The following RSPH1 variants were observed in gnomAD, a reference collection of about 807,000 sequenced individuals.
RSPH1 encodes radial spoke head 1 homolog.
Under a neutral mutation model 44.2 loss-of-function variants are expected in RSPH1, and 32 were observed. That is an observed-to-expected ratio of 0.72 (90% CI 0.55 to 0.97). RSPH1 has a LOEUF of 0.97. RSPH1 is among the 50% of genes least tolerant of loss of function. The probability of loss-of-function intolerance (pLI) is 0.00; values close to 1 mark genes in which losing one functional copy is unlikely to be tolerated. For missense variants in RSPH1, 391 were observed against 398.7 expected (o/e 0.98, Z 0.16); for synonymous variants, 134 against 147.3 (o/e 0.91, Z 0.65).
Position 42,486,367 on chromosome 21 carries a change from G to A in RSPH1, c.365+4C>T, listed in dbSNP as rs201479872. On this transcript the variant is annotated splice_donor_region_variant and intron_variant, in intron 4 of 8. Coordinates refer to ENST00000291536, the MANE Select transcript of RSPH1 (RefSeq NM_080860.4). Reference sequence around the variant, plus strand: ...CCCGTTAAGACCCAAGATAGAAACCGAACCTTTGATGAGCAAACCACTCTC... The same window carrying A: ...CCCGTTAAGACCCAAGATAGAAACCAAACCTTTGATGAGCAAACCACTCTC... The A allele has an allele frequency of 6.8e-6, 11 of 1,606,406 alleles. No homozygotes were observed. The highest frequency in any genetic ancestry group is 2.7e-5 in the African/African-American group (2 of 74,666).
chr21:42,485,081 C>A (rs1653509783), intron 5 of RSPH1: 1 of 152,316 alleles, frequency 6.6e-6, no homozygotes, highest in Admixed American at 6.5e-5. Flanking sequence ...TTCAAGGTTT[C>A]TCTGTACAAT....
intron 3 of RSPH1, among the ~76,000 whole-genome samples, chr21:42,489,672 C>T (rs765130354): frequency 7.9e-5 from 12 of 152,164 alleles, no homozygotes; most frequent in Admixed American, 3.9e-4. Context: ...GGCAGGGTTC[C>T]GTGCACTTGC....
chr21:42,472,666 C>T lies in RSPH1; in HGVS notation c.*152G>A, dbSNP rs575228310. 2.8e-5 allele frequency: 16 copies of T among 564,580 alleles called. No homozygotes were observed. In the East Asian group the frequency reaches 3.9e-4, roughly 14 times the overall value. The allele number at this position is 564,580 out of a possible 1,614,324, so 35.0% of individuals were successfully genotyped here. A position where few individuals can be genotyped will look rare whatever the true frequency, so the allele number is the denominator to read the frequency against. On this transcript the variant is annotated 3_prime_UTR_variant, in exon 9 of 9. Transcript: ENST00000291536. Reference sequence around the variant, plus strand: ...CCACCCAGGCTGGAGAGCAGTGGCGCGATCTCCACTCACTGCAACTGCCAC... The same window carrying T: ...CCACCCAGGCTGGAGAGCAGTGGCGTGATCTCCACTCACTGCAACTGCCAC...
At chr21:42,490,275 G>A (rs1295278301) in intron 3 of RSPH1, among the ~76,000 whole-genome samples, 1 of 152,290 alleles carries the variant, frequency 6.6e-6, no homozygotes, top group Admixed American at 6.5e-5. Context: ...GTGACCATCT[G>A]GGAGACAGGT....
At position 42,477,155 on chromosome 21, in the gene RSPH1, A is replaced by T. The variant is rs142821402; in HGVS notation, c.727+136T>A. 141 of 501,020 alleles carry T rather than the reference A, an allele frequency of 2.8e-4. 2 individuals are homozygous for T. In the African/African-American group the frequency reaches 7.0e-3, roughly 25 times the overall value. 31.0% of individuals were successfully genotyped at this position (501,020 alleles called of 1,614,324 possible). ...CCACACCCTCTGCCCCCTCCACCCC[A>T]CAGCCCGGGGATGCCCCACACCCTC... is the stretch of plus-strand genomic sequence containing the variant. On this transcript the variant is annotated intron_variant, in intron 7 of 8. Coordinates refer to ENST00000291536, the MANE Select transcript of RSPH1 (RefSeq NM_080860.4).
rs536426958 is a variant in RSPH1 at position 42,482,630 on chromosome 21, A to C, written c.573+7T>G. The C allele has an allele frequency of 7.5e-6, 12 of 1,605,624 alleles. No individual in the cohort carries two copies. The South Asian group carries it at 1.3e-4, about 18-fold the overall frequency. ...TGTAACAAAACCCTACATGCTCCGC[A>C]ACTTACCATATCTGTTAAACGATAT... is the stretch of plus-strand genomic sequence containing the variant. On this transcript the variant is annotated splice_region_variant and intron_variant, in intron 6 of 8. Transcript: ENST00000291536.
Position 42,482,615 on chromosome 21 carries a change from C to T in RSPH1, c.573+22G>A, listed in dbSNP as rs764288542. The stretch of plus-strand genomic sequence containing the variant: ...CTACTTCCCTGTTAATGTAACAAAA[C>T]CCTACATGCTCCGCAACTTACCATA... On this transcript the variant is annotated intron_variant, in intron 6 of 8. Transcript: ENST00000291536. 1.2e-5 allele frequency: 19 copies of T among 1,578,456 alleles called. No homozygotes were observed. The Admixed American group carries it at 2.0e-4, about 17-fold the overall frequency.
intron 1 of RSPH1, chr21:42,495,894 G>T (rs1371047687): frequency 1.7e-5 from 9 of 534,842 alleles, no homozygotes; most frequent in Non-Finnish European, 2.7e-5. Flanking sequence ...GAGGCAGGAT[G>T]GGGGTGGGGG....
chr21:42,495,313 A>G (rs2054277129), intron 1 of RSPH1, among the ~76,000 whole-genome samples: 1 of 152,188 alleles, frequency 6.6e-6, no homozygotes, highest in Non-Finnish European at 1.5e-5. Flanking sequence ...CAGAGCTAGC[A>G]AAAAGGTCTG....
intron 6 of RSPH1, among the ~76,000 whole-genome samples, chr21:42,479,866 C>T (rs1197668384): frequency 6.6e-6 from 1 of 152,156 alleles, no homozygotes; most frequent in African/African-American, 2.4e-5. Flanking sequence ...ACTAGAGCAC[C>T]CTGCGGTCCA....
intron 3 of RSPH1, among the ~76,000 whole-genome samples, chr21:42,487,248 T>C (rs956364881): frequency 6.6e-6 from 1 of 152,212 alleles, no homozygotes; most frequent in Non-Finnish European, 1.5e-5. Flanking sequence ...TATGAATCCC[T>C]GCACTAGAAA....
intron 1 of RSPH1, 127 bp downstream of exon 1, chr21:42,496,006 G>A (rs2054284188): frequency 9.3e-7 from 1 of 1,074,094 alleles, no homozygotes; most frequent in East Asian, 2.5e-5. Flanking sequence ...CTTCGTCCCT[G>A]CCGGGGATCC....
At position 42,477,325 on chromosome 21, in the gene RSPH1, C is replaced by T. The variant is rs372338741; in HGVS notation, c.693G>A (p.Thr231=). 96 of 1,614,172 alleles carry T rather than the reference C, an allele frequency of 5.9e-5. No individual in the cohort carries two copies. Among genetic ancestry groups the T allele is most frequent in the Middle Eastern group, 3.3e-4 (2 of 6,062 alleles). ...CTGGAGCGTCTTGGCCAGGTCCATC[C>T]GTAGAGGTCGGCTTTTTGGGGAGAG... The part of the protein sequence containing the change: ...TPTLPKKPTS[T]DGPGQDAPGA... Residue 231 remains threonine, a synonymous_variant, in exon 7 of 9, where the codon ACG becomes ACA. Transcript: ENST00000291536.
chr21:42,495,923 G>A, intron 1 of RSPH1: 3 of 572,552 alleles, frequency 5.2e-6, no homozygotes, highest in South Asian at 4.3e-5. Context: ...GGCGGCATGT[G>A]GTAACCAGAC....
intron 5 of RSPH1, among the ~76,000 whole-genome samples, chr21:42,484,044 G>A (rs1316952448): frequency 6.6e-6 from 1 of 152,054 alleles, no homozygotes; most frequent in Non-Finnish European, 1.5e-5. Flanking sequence ...TTGAAGTTTT[G>A]TGGTATTGAT....
In RSPH1 at chr21:42,486,523, G is replaced by T. The variant is rs2054182815; in HGVS notation, c.275-62C>A. The T allele has an allele frequency of 4.2e-6, 5 of 1,194,928 alleles. No individual in the cohort carries two copies. In the Admixed American group the frequency reaches 6.8e-5, roughly 16 times the overall value. The allele number at this position is 1,194,928 out of a possible 1,614,324, so 74.0% of individuals were successfully genotyped here. A position where few individuals can be genotyped will look rare whatever the true frequency, so the allele number is the denominator to read the frequency against. On this transcript the variant is annotated intron_variant, in intron 3 of 8. Coordinates refer to ENST00000291536, the MANE Select transcript of RSPH1 (RefSeq NM_080860.4). The stretch of plus-strand genomic sequence containing the variant: ...AGAAGGGATCGATGCCCTGTACCAT[G>T]TCTTCAAATTGTTAACCATGGCAAA...
At chr21:42,477,654 G>A (rs1314558825) in intron 6 of RSPH1, among the ~76,000 whole-genome samples, 1 of 152,156 alleles carries the variant, frequency 6.6e-6, no homozygotes, top group Non-Finnish European at 1.5e-5. Context: ...GCCAGGGTGA[G>A]GAATAAAGTC....
At chr21:42,488,914 A>G (rs989208261) in intron 3 of RSPH1, among the ~76,000 whole-genome samples, 3 of 152,156 alleles carry the variant, frequency 2.0e-5, no homozygotes, top group Admixed American at 1.3e-4. Context: ...CCCCAATCCT[A>G]TACTTTCTGA....
chr21:42,494,584 TA>T (rs2054268262), intron 1 of RSPH1, among the ~76,000 whole-genome samples: 1 of 152,164 alleles, frequency 6.6e-6, no homozygotes, highest in Admixed American at 6.5e-5. Context: ...GATCTGAACC[TA>T]AAAATTATAG....
Sources: allele counts gnomAD v4.1 joint callset (sites outside exome capture counted in the v4.1 genomes callset), GRCh38; gene constraint gnomAD v4.1.1; transcripts MANE v1.5; gene names NCBI Gene and HGNC (gene_info 2026-07-23, HGNC 2026-07-21).